DPYD: variants seen among roughly 807,000 people sequenced by gnomAD.
DPYD encodes the protein dihydropyrimidine dehydrogenase [NADP(+)].
Under a neutral mutation model 116.2 loss-of-function variants are expected in DPYD, and 109 were observed. That is an observed-to-expected ratio of 0.94 (90% CI 0.80 to 1.10). The LOEUF is 1.10. Ranked by LOEUF, DPYD falls within the 50% of genes least tolerant of loss-of-function variation. DPYD has a pLI of 0.00. For synonymous variants in DPYD, 440 were observed against 432.0 expected, an observed-to-expected ratio of 1.02 and a Z score of -0.23; for missense variants, 1,302 against 1,254.5, an observed-to-expected ratio of 1.04 and a Z score of -0.57.
intron 12 of DPYD, among the ~76,000 whole-genome samples, chr1:97,538,656 A>T (rs973428882): frequency 2.0e-5 from 3 of 152,228 alleles, no homozygotes; most frequent in Non-Finnish European, 4.4e-5. Context: ...CATGTACCTG[A>T]GTAGAATCAC....
chr1:97,751,307 T>C (rs1028971237), intron 3 of DPYD, among the ~76,000 whole-genome samples: 3 of 148,838 alleles, frequency 2.0e-5, no homozygotes, highest in Non-Finnish European at 3.0e-5. Flanking sequence ...CACATATATA[T>C]ACACATATAT....
At chr1:97,164,093 T>G (rs1656125815) in intron 20 of DPYD, among the ~76,000 whole-genome samples, 1 of 152,160 alleles carries the variant, frequency 6.6e-6, no homozygotes, top group Non-Finnish European at 1.5e-5. Context: ...CAAGTAGGCT[T>G]TATCCCTGGG....
At chr1:97,826,061 C>T (rs1291397456) in intron 3 of DPYD, among the ~76,000 whole-genome samples, 1 of 151,864 alleles carries the variant, frequency 6.6e-6, no homozygotes, top group Non-Finnish European at 1.5e-5. Context: ...AAATGTATAA[C>T]TTAAGCAAAC....
intron 13 of DPYD, among the ~76,000 whole-genome samples, chr1:97,511,460 T>C (rs888343984): frequency 2.0e-5 from 3 of 152,038 alleles, no homozygotes; most frequent in Non-Finnish European, 4.4e-5. Flanking sequence ...ACACTGCTTC[T>C]CCATATTTGT....
At chr1:97,500,611 TATA>T (rs71674674) in intron 13 of DPYD, among the ~76,000 whole-genome samples, 12,712 of 152,008 alleles carry the variant, frequency 0.084, 640 homozygotes, top group South Asian at 0.1. Flanking sequence ...CGTAGATTAA[TATA>T]ATGTGAGATA....
intron 14 of DPYD, among the ~76,000 whole-genome samples, chr1:97,429,848 A>G (rs1675075025): frequency 6.6e-6 from 1 of 152,112 alleles, no homozygotes; most frequent in African/African-American, 2.4e-5. Context: ...CTCTGGATTT[A>G]AGAGGAATAG....
At chr1:97,225,544 A>T (rs10875056) in intron 19 of DPYD, among the ~76,000 whole-genome samples, 41,259 of 146,774 alleles carry the variant, frequency 0.28, 5,906 homozygotes, top group Middle Eastern at 0.32. Context: ...TGAGTAAAAA[A>T]TTTTGAAATC....
Position 97,134,014 on chromosome 1 carries a change from AATATATATATATATATATATATAT to A in DPYD, c.2623-35406_2623-35383del, listed in dbSNP as rs1165027630. Among the ~76,000 whole-genome samples, 10 of 18,818 alleles carry A rather than the reference AATATATATATATATATATATATAT, an allele frequency of 5.3e-4. 1 individual carries two copies. The highest frequency in any genetic ancestry group is 0.1 in the Middle Eastern group (1 of 10). 12.3% of individuals were successfully genotyped at this position (18,818 alleles called of 152,430 possible). A position where few individuals can be genotyped will look rare whatever the true frequency, so the allele number is the denominator to read the frequency against. ...ACTCTGTTTCAAAAAAAAAAAAAAA[AATATATATATATATATATATATAT>A]ATATATATATATATATATATATATA... is the stretch of plus-strand genomic sequence containing the variant. On this transcript the variant is annotated intron_variant, in intron 20 of 22. Coordinates refer to ENST00000370192, the MANE Select transcript of DPYD (RefSeq NM_000110.4).
At chr1:97,543,688 G>T (rs868357811) in intron 12 of DPYD, among the ~76,000 whole-genome samples, 3 of 150,248 alleles carry the variant, frequency 2.0e-5, no homozygotes, top group Middle Eastern at 3.2e-3. Context: ...ATATGCTAAT[G>T]AACTTATCAT....
chr1:97,641,018 G>C (rs924049616), intron 8 of DPYD, among the ~76,000 whole-genome samples: 1 of 152,128 alleles, frequency 6.6e-6, no homozygotes, highest in Non-Finnish European at 1.5e-5. Flanking sequence ...TTTGAAAAGG[G>C]AGCCATAGGC....
intron 1 of DPYD, among the ~76,000 whole-genome samples, chr1:97,904,688 T>C (rs895467783): frequency 1.3e-5 from 2 of 152,034 alleles, no homozygotes; most frequent in East Asian, 3.9e-4. Context: ...CTGTTCTTTG[T>C]TGAAGGAGCT....
intron 12 of DPYD, among the ~76,000 whole-genome samples, chr1:97,538,115 T>C (rs527502342): frequency 6.6e-6 from 1 of 151,768 alleles, no homozygotes; most frequent in Admixed American, 6.5e-5. Context: ...TGTACCTCAT[T>C]AGCAATGGAT....
At chr1:97,820,923 T>C (rs1482443921) in intron 3 of DPYD, among the ~76,000 whole-genome samples, 1 of 152,172 alleles carries the variant, frequency 6.6e-6, no homozygotes, top group African/African-American at 2.4e-5. Context: ...ATAGTATTTT[T>C]ATTTTTTTTA....
At chr1:97,573,227 T>C (rs998214466) in intron 11 of DPYD, among the ~76,000 whole-genome samples, 3 of 152,078 alleles carry the variant, frequency 2.0e-5, no homozygotes, top group Admixed American at 6.6e-5. Context: ...CATTATCTTT[T>C]TAAAAAACAT....
In DPYD at chr1:97,662,018, G is replaced by A. The variant is rs183985170; in HGVS notation, c.850+17077C>T. On this transcript the variant is annotated intron_variant, in intron 8 of 22. Transcript: ENST00000370192. ...TTTTTTTTTTTTTTTTTTTTTTTAC[G>A]GAGTCTCGCTCCGTCGCCCAGGCTG... Among the ~76,000 whole-genome samples the A allele has an allele frequency of 5.5e-3, 663 of 119,932 alleles. 3 individuals are homozygous for A. The highest frequency in any genetic ancestry group is 0.044 in the Middle Eastern group (8 of 180). 78.7% of individuals were successfully genotyped at this position (119,932 alleles called of 152,430 possible).
intron 6 of DPYD, among the ~76,000 whole-genome samples, chr1:97,698,619 T>C (rs1277216330): frequency 3.9e-5 from 6 of 151,912 alleles, no homozygotes; most frequent in African/African-American, 1.4e-4. Flanking sequence ...CATGATTTTT[T>C]TGATAATATA....
chr1:97,912,554 G>A (rs1488189169), intron 1 of DPYD, among the ~76,000 whole-genome samples: 1 of 152,120 alleles, frequency 6.6e-6, no homozygotes, highest in Non-Finnish European at 1.5e-5. Flanking sequence ...TTACGTGGAT[G>A]ACTTGAGTGG....
In DPYD at chr1:97,078,702, A is replaced by G. The variant is rs56160474; in HGVS notation, c.*274T>C. On this transcript the variant is annotated 3_prime_UTR_variant, in exon 23 of 23. Coordinates refer to ENST00000370192, the MANE Select transcript of DPYD (RefSeq NM_000110.4). Reference sequence around the variant, plus strand: ...CCACAAAAAAGTTAATTTTTCACATAAGACAACTGGCAGTGAACATCCAAT... The same window carrying G: ...CCACAAAAAAGTTAATTTTTCACATGAGACAACTGGCAGTGAACATCCAAT... 0.14 allele frequency: 62,144 copies of G among 432,722 alleles called. 4,966 individuals are homozygous for G. The highest frequency in any genetic ancestry group is 0.17 in the Non-Finnish European group (40,720 of 234,778). The allele number at this position is 432,722 out of a possible 1,614,324, so 26.8% of individuals were successfully genotyped here. A position where few individuals can be genotyped will look rare whatever the true frequency, so the allele number is the denominator to read the frequency against.
intron 21 of DPYD, among the ~76,000 whole-genome samples, chr1:97,089,313 T>TC: frequency 6.6e-6 from 1 of 152,338 alleles, no homozygotes; most frequent in South Asian, 2.1e-4. Context: ...CTTGGCAGAC[T>TC]CTCAAGTCTC....
Sources: gnomAD v4.1 joint callset for allele counts (sites outside exome capture counted in the v4.1 genomes callset) on GRCh38, gnomAD v4.1.1 for gene constraint, MANE v1.5 for transcripts, NCBI Gene and HGNC (gene_info 2026-07-23, HGNC 2026-07-21) for gene names.